Variants in MED12L observed in about 807,000 individuals in gnomAD.
The protein encoded by MED12L is mediator of RNA polymerase II transcription subunit 12-like protein.
MED12L carries 60 observed loss-of-function variants against 281.3 expected under a neutral mutation model. The observed-to-expected ratio is 0.21, with a 90% CI of 0.17 to 0.26. The LOEUF (loss-of-function observed/expected upper bound fraction) is 0.26. Among genes scored for constraint, MED12L ranks in the 10% least tolerant of loss-of-function variants. The probability of loss-of-function intolerance (pLI) is 1.00; values close to 1 mark genes in which losing one functional copy is unlikely to be tolerated. For missense variants in MED12L, 2,146 were observed against 2,680.9 expected (o/e 0.80, Z 4.41); for synonymous variants, 974 against 987.2 (o/e 0.99, Z 0.25).
rs536783172 is a variant in MED12L at position 151,400,916 on chromosome 3, A to T, written c.5820+6049A>T. On this transcript the variant is annotated intron_variant, in intron 39 of 44. Coordinates refer to ENST00000687756, the MANE Select transcript of MED12L (RefSeq NM_001393769.1). ...CCATAATGCTGTAGATTATTTTTTT[A>T]AAAAAAATTACAGATGTGGATGAGT... Among the ~76,000 whole-genome samples, 130 of 152,160 alleles carry T rather than the reference A, an allele frequency of 8.5e-4. 1 individual carries two copies. The highest frequency in any genetic ancestry group is 2.9e-3 in the South Asian group (14 of 4,812).
At chr3:151,201,930 A>G (rs751865786) in intron 16 of MED12L, among the ~76,000 whole-genome samples, 5 of 152,214 alleles carry the variant, frequency 3.3e-5, no homozygotes, top group Non-Finnish European at 7.3e-5. Context: ...TTGCACAACT[A>G]TAAAATAAGT....
chr3:151,292,710 T>G (rs1282211609), intron 16 of MED12L, among the ~76,000 whole-genome samples: 1 of 151,856 alleles, frequency 6.6e-6, no homozygotes, highest in Non-Finnish European at 1.5e-5. Flanking sequence ...GTAGATGGGA[T>G]TACAGGCATG....
At chr3:151,350,292 C>T in intron 17 of MED12L, 86 bp downstream of exon 17, 1 of 1,333,024 alleles carries the variant, frequency 7.5e-7, no homozygotes, top group Non-Finnish European at 1.0e-6. Context: ...TTCTATGTCA[C>T]TGTCAACAGA....
intron 16 of MED12L, among the ~76,000 whole-genome samples, chr3:151,234,101 T>C: frequency 6.6e-6 from 1 of 152,240 alleles, no homozygotes; most frequent in East Asian, 1.9e-4. Flanking sequence ...AGAAAACTCC[T>C]GCAGATGCAT....
chr3:151,381,163 T>G (rs1712266907), intron 32 of MED12L, among the ~76,000 whole-genome samples: 1 of 152,202 alleles, frequency 6.6e-6, no homozygotes, highest in Non-Finnish European at 1.5e-5. Flanking sequence ...TGTTTTATCC[T>G]GATACACAGC....
chr3:151,277,522 G>A (rs931524035), intron 16 of MED12L, among the ~76,000 whole-genome samples: 5 of 151,942 alleles, frequency 3.3e-5, no homozygotes, highest in Non-Finnish European at 5.9e-5. Context: ...CATTTTCTCC[G>A]TAGGATTGAT....
chr3:151,150,422 A>G lies in MED12L; in HGVS notation c.557-5739A>G, dbSNP rs144632845. ...AAATATTCTGTAAGCCGTGCTGTAA[A>G]CAAATGTCCTGTCCTCCAGGCTTTG... On this transcript the variant is annotated intron_variant, in intron 5 of 44. Transcript: ENST00000687756. 3.0e-3 allele frequency among the ~76,000 whole-genome samples: 462 copies of G among 152,288 alleles called. 3 individuals are homozygous for G. Among genetic ancestry groups the G allele is most frequent in the African/African-American group, 0.01 (427 of 41,552 alleles).
At chr3:151,087,260 G>T (rs1390814766) in intron 2 of MED12L, among the ~76,000 whole-genome samples, 1 of 152,226 alleles carries the variant, frequency 6.6e-6, no homozygotes, top group South Asian at 2.1e-4. Flanking sequence ...TCGCTTTCCC[G>T]TTGCCGGGCC....
intron 19 of MED12L, among the ~76,000 whole-genome samples, chr3:151,356,509 A>C (rs779759887): frequency 6.6e-6 from 1 of 152,226 alleles, no homozygotes; most frequent in Non-Finnish European, 1.5e-5. Flanking sequence ...GTGAATTAAC[A>C]GTCTTAAACT....
intron 16 of MED12L, among the ~76,000 whole-genome samples, chr3:151,281,734 G>A (rs1417170688): frequency 6.6e-6 from 1 of 152,074 alleles, no homozygotes; most frequent in Non-Finnish European, 1.5e-5. Flanking sequence ...ACATAACCCT[G>A]ATATGACAAC....
chr3:151,402,495 T>C (rs1160027523), intron 39 of MED12L, among the ~76,000 whole-genome samples: 1 of 152,194 alleles, frequency 6.6e-6, no homozygotes, highest in Non-Finnish European at 1.5e-5. Flanking sequence ...CAAGAACATA[T>C]GGCCTGCTGA....
Position 151,356,042 on chromosome 3 carries a change from G to A in MED12L, c.2661+3G>A, listed in dbSNP as rs772251719. The A allele has an allele frequency of 2.5e-6, 4 of 1,604,648 alleles. No individual in the cohort carries two copies. Among genetic ancestry groups the A allele is most frequent in the South Asian group, 1.1e-5 (1 of 88,914 alleles). On this transcript the variant is annotated splice_donor_region_variant and intron_variant, in intron 19 of 44. Coordinates refer to ENST00000687756, the MANE Select transcript of MED12L (RefSeq NM_001393769.1). ...GACTAATTGACTTCGCAATACAGGT[G>A]TCAAAGAGACCATGTTTCTCTTACT...
Position 151,217,207 on chromosome 3 carries a change from T to C in MED12L, c.2250+23541T>C, listed in dbSNP as rs1202375655. Reference sequence around the variant, plus strand: ...GAAATATTGTAGAAGCCACTATTTATAGAAATAGTGAATCCCAGAAATGAT... The same window carrying C: ...GAAATATTGTAGAAGCCACTATTTACAGAAATAGTGAATCCCAGAAATGAT... On this transcript the variant is annotated intron_variant, in intron 16 of 44. Transcript: ENST00000687756. Among the ~76,000 whole-genome samples the C allele has an allele frequency of 2.0e-5, 3 of 152,242 alleles. No homozygotes were observed. In the East Asian group the frequency reaches 5.8e-4, roughly 29 times the overall value.
At chr3:151,279,686 A>G (rs1407210749) in intron 16 of MED12L, among the ~76,000 whole-genome samples, 1 of 152,210 alleles carries the variant, frequency 6.6e-6, no homozygotes, top group Non-Finnish European at 1.5e-5. Context: ...TGGTAGGTAA[A>G]TAAACTTAAG....
At chr3:151,122,036 T>C (rs1172274454) in intron 3 of MED12L, among the ~76,000 whole-genome samples, 11 of 152,192 alleles carry the variant, frequency 7.2e-5, no homozygotes, top group African/African-American at 2.7e-4. Context: ...TTTTTAGATA[T>C]TACTTTGTTC....
intron 16 of MED12L, among the ~76,000 whole-genome samples, chr3:151,253,989 A>AT (rs1356743139): frequency 8.3e-6 from 1 of 120,260 alleles, no homozygotes; most frequent in Non-Finnish European, 1.8e-5. Flanking sequence ...TTTTGTTTTG[A>AT]TTTTTTCTTG....
chr3:151,118,697 C>G (rs1713257110), intron 3 of MED12L, among the ~76,000 whole-genome samples: 1 of 151,386 alleles, frequency 6.6e-6, no homozygotes, highest in Non-Finnish European at 1.5e-5. Context: ...TTCCTCTCCC[C>G]CAAACCAGAT....
At chr3:151,317,005 T>C (rs1748343281) in intron 16 of MED12L, 1 of 152,106 alleles carries the variant, frequency 6.6e-6, no homozygotes, top group Non-Finnish European at 1.5e-5. Context: ...AAGTCTCGGG[T>C]TGGGGCCTAC....
chr3:151,116,480 A>C, intron 3 of MED12L, 38 bp downstream of exon 3: 2 of 1,363,082 alleles, frequency 1.5e-6, no homozygotes. Context: ...CTCCTGAAAA[A>C]GTGTGTATAT....
Sources: allele counts gnomAD v4.1 joint callset (sites outside exome capture counted in the v4.1 genomes callset), GRCh38; gene constraint gnomAD v4.1.1; transcripts MANE v1.5; gene names NCBI Gene and HGNC (gene_info 2026-07-23, HGNC 2026-07-21).